Variants in PRTG observed in about 807,000 individuals in gnomAD.
PRTG encodes the protein protogenin, also known as immunoglobulin superfamily, DCC subclass, member 5.
Under a neutral mutation model 122.5 loss-of-function variants are expected in PRTG, and 67 were observed. The ratio of observed to expected loss-of-function variants is 0.55; its 90% CI spans 0.45 to 0.67. The LOEUF (loss-of-function observed/expected upper bound fraction) is 0.67. PRTG is among the 30% of genes least tolerant of loss of function. PRTG has a pLI of 0.00. For synonymous variants in PRTG, 554 were observed against 501.1 expected (o/e 1.11, Z -1.41); for missense variants, 1,435 against 1,415.4 (o/e 1.01, Z -0.22).
chr15:55,730,808 A>G (rs1446256380), intron 2 of PRTG, among the ~76,000 whole-genome samples: 1 of 152,182 alleles, frequency 6.6e-6, no homozygotes, highest in African/African-American at 2.4e-5. Context: ...TCTCAAAATA[A>G]AAGTCACGAC....
intron 2 of PRTG, among the ~76,000 whole-genome samples, chr15:55,691,509 T>C (rs528621846): frequency 1.3e-3 from 202 of 151,464 alleles, no homozygotes; most frequent in Non-Finnish European, 1.9e-3. Flanking sequence ...GGTGAAACCC[T>C]GTCTCCACTA....
chr15:55,678,644 A>G (rs1254002415), intron 7 of PRTG, among the ~76,000 whole-genome samples: 1 of 152,238 alleles, frequency 6.6e-6, no homozygotes, highest in African/African-American at 2.4e-5. Flanking sequence ...ATCACTTAAA[A>G]TTATTCATTT....
In PRTG at chr15:55,731,366, CTTTTTTTTTT is replaced by C. The variant is rs10658460; in HGVS notation, c.397+9006_397+9015del. On this transcript the variant is annotated intron_variant, in intron 2 of 19. Transcript: ENST00000389286. Reference sequence around the variant, plus strand: ...GGAGAAGAAATTACACCTTATCATTCTTTTTTTTTTTTTTTTTTTTTGGAGATGCAGTCTT... The same window carrying C: ...GGAGAAGAAATTACACCTTATCATTCTTTTTTTTTTTGGAGATGCAGTCTT... Among the ~76,000 whole-genome samples the C allele has an allele frequency of 4.0e-4, 42 of 103,776 alleles. 1 individual carries two copies. The South Asian group carries it at 0.013, about 32-fold the overall frequency. The allele number at this position is 103,776 out of a possible 152,430, so 68.1% of individuals were successfully genotyped here.
At chr15:55,698,114 C>T (rs1435050207) in intron 2 of PRTG, among the ~76,000 whole-genome samples, 1 of 152,110 alleles carries the variant, frequency 6.6e-6, no homozygotes, top group Non-Finnish European at 1.5e-5. Flanking sequence ...ACCAGCTCTG[C>T]GCCCTTATTC....
At chr15:55,645,715 C>T (rs889304133) in intron 11 of PRTG, among the ~76,000 whole-genome samples, 7 of 152,088 alleles carry the variant, frequency 4.6e-5, no homozygotes, top group Non-Finnish European at 7.4e-5. Context: ...AAACCAGAGA[C>T]CAGGGCCAAC....
chr15:55,706,327 A>G (rs1316857730), intron 2 of PRTG, among the ~76,000 whole-genome samples: 1 of 152,066 alleles, frequency 6.6e-6, no homozygotes, highest in Non-Finnish European at 1.5e-5. Context: ...TAAAAGGTGG[A>G]AGGATATCAA....
In PRTG at chr15:55,618,863, A is replaced by C. The variant is rs2141704018; in HGVS notation, c.*1149T>G. 6.6e-6 allele frequency: 1 copy of C among 152,284 alleles called. No individual in the cohort carries two copies. Among genetic ancestry groups the C allele is most frequent in the Admixed American group, 6.5e-5 (1 of 15,288 alleles). The allele number at this position is 152,284 out of a possible 1,614,324, so 9.4% of individuals were successfully genotyped here. A position where few individuals can be genotyped will look rare whatever the true frequency, so the allele number is the denominator to read the frequency against. On this transcript the variant is annotated 3_prime_UTR_variant, in exon 20 of 20. Coordinates refer to ENST00000389286, the MANE Select transcript of PRTG (RefSeq NM_173814.6). ...AATATTAAAAAGGTATAAGGCAAAG[A>C]ATTTCATTATACTGAAAGGCACTGT...
At chr15:55,729,669 ATTT>A (rs1384796377) in intron 2 of PRTG, among the ~76,000 whole-genome samples, 1 of 152,048 alleles carries the variant, frequency 6.6e-6, no homozygotes, top group Non-Finnish European at 1.5e-5. Flanking sequence ...AATAAAACTT[ATTT>A]TTTTAATTCC....
At chr15:55,718,902 T>C (rs1489460847) in intron 2 of PRTG, among the ~76,000 whole-genome samples, 1 of 148,958 alleles carries the variant, frequency 6.7e-6, no homozygotes, top group Admixed American at 6.6e-5. Flanking sequence ...ACCGTCATGC[T>C]CGGCTAATTT....
chr15:55,657,540 C>T (rs1006387942), intron 11 of PRTG, among the ~76,000 whole-genome samples: 9 of 152,258 alleles, frequency 5.9e-5, no homozygotes, highest in Admixed American at 2.0e-4. Flanking sequence ...AAAATGATTT[C>T]AATACATGTT....
chr15:55,720,043 G>C (rs1357293151), intron 2 of PRTG, among the ~76,000 whole-genome samples: 1 of 151,860 alleles, frequency 6.6e-6, no homozygotes, highest in Non-Finnish European at 1.5e-5. Context: ...TGGGCAACGA[G>C]AGTGAAACTT....
chr15:55,679,275 A>G lies in PRTG; in HGVS notation c.1133+11T>C, dbSNP rs1235145971. On this transcript the variant is annotated intron_variant, in intron 7 of 19. Transcript: ENST00000389286. ...TCATATATAAAATGGTAGCAAAGTT[A>G]CACAGCCTACCTGTTGTACATTTTA... is the stretch of plus-strand genomic sequence containing the variant. 1.3e-6 allele frequency: 2 copies of G among 1,593,428 alleles called. No individual in the cohort carries two copies. The highest frequency in any genetic ancestry group is 1.1e-5 in the South Asian group (1 of 89,722).
At chr15:55,670,622 C>T (rs1002791561) in intron 11 of PRTG, among the ~76,000 whole-genome samples, 3 of 151,790 alleles carry the variant, frequency 2.0e-5, no homozygotes, top group South Asian at 2.1e-4. Context: ...TGTGACAGGC[C>T]GGGCACAGTG....
chr15:55,725,436 A>T (rs1296262024), intron 2 of PRTG, among the ~76,000 whole-genome samples: 5 of 152,136 alleles, frequency 3.3e-5, no homozygotes, highest in Admixed American at 3.3e-4. Context: ...TCTATAAAAA[A>T]TACGAAAAAA....
chr15:55,652,616 A>G (rs2059359033), intron 11 of PRTG, among the ~76,000 whole-genome samples: 1 of 152,134 alleles, frequency 6.6e-6, no homozygotes, highest in African/African-American at 2.4e-5. Flanking sequence ...CTGACATAGA[A>G]TCTGGGGCCA....
chr15:55,677,103 T>C (rs907427412), intron 8 of PRTG, among the ~76,000 whole-genome samples: 3 of 152,168 alleles, frequency 2.0e-5, no homozygotes, highest in African/African-American at 7.2e-5. Flanking sequence ...AGAGAGAAAT[T>C]TCTAGGATTT....
intron 13 of PRTG, 106 bp from the exon 14 acceptor site, chr15:55,638,782 C>A (rs1299155320): frequency 8.9e-6 from 8 of 902,554 alleles, no homozygotes; most frequent in Non-Finnish European, 1.2e-5. Context: ...TTTTTCATTA[C>A]CTCCTTATTT....
chr15:55,628,703 C>T (rs1456647802), intron 16 of PRTG, 119 bp downstream of exon 16: 1 of 773,182 alleles, frequency 1.3e-6, no homozygotes, highest in East Asian at 2.5e-5. Context: ...TCATCAGCAA[C>T]AACTTACGGA....
intron 2 of PRTG, among the ~76,000 whole-genome samples, chr15:55,714,215 C>G (rs1386386027): frequency 6.6e-6 from 1 of 151,288 alleles, no homozygotes; most frequent in Admixed American, 6.6e-5. Context: ...GTCTCTCTCT[C>G]TCTCTCTCTC....
Sources: gnomAD v4.1 joint callset for allele counts (sites outside exome capture counted in the v4.1 genomes callset) on GRCh38, gnomAD v4.1.1 for gene constraint, MANE v1.5 for transcripts, NCBI Gene and HGNC (gene_info 2026-07-23, HGNC 2026-07-21) for gene names.